PIK3CB: variants seen among roughly 807,000 people sequenced by gnomAD.
PIK3CB encodes the protein phosphatidylinositol-4,5-bisphosphate 3-kinase catalytic subunit beta.
In PIK3CB, 39 loss-of-function variants were observed where a neutral mutation model predicts 136.8. The ratio of observed to expected loss-of-function variants is 0.29; its 90% CI spans 0.22 to 0.37. PIK3CB has a LOEUF of 0.37. Among genes scored for constraint, PIK3CB ranks in the 10% least tolerant of loss-of-function variants. The pLI is 1.00. For missense variants in PIK3CB, 868 were observed against 1,275.4 expected (o/e 0.68, Z 4.87); for synonymous variants, 428 against 436.6 (o/e 0.98, Z 0.25).
At chr3:138,793,829 G>A (rs987738359) in intron 2 of PIK3CB, among the ~76,000 whole-genome samples, 3 of 152,134 alleles carry the variant, frequency 2.0e-5, no homozygotes, top group African/African-American at 7.2e-5. Flanking sequence ...AAAACAGCCT[G>A]AGCAACATAG....
chr3:138,730,977 T>C (rs1451646715), intron 8 of PIK3CB, among the ~76,000 whole-genome samples: 1 of 152,130 alleles, frequency 6.6e-6, no homozygotes. Flanking sequence ...CAAGGAAGTC[T>C]ACTATTTACT....
At chr3:138,826,011 A>G in intron 1 of PIK3CB, 1 of 1,456,166 alleles carries the variant, frequency 6.9e-7, no homozygotes, top group Non-Finnish European at 9.5e-7. Context: ...AGTGCTGGCT[A>G]TGCCACTGTA....
At chr3:138,737,072 A>G (rs974921966) in intron 6 of PIK3CB, among the ~76,000 whole-genome samples, 1 of 152,142 alleles carries the variant, frequency 6.6e-6, no homozygotes, top group African/African-American at 2.4e-5. Context: ...GACAATAATT[A>G]TAAGGCTAAC....
At chr3:138,759,675 ACAC>A (rs1303729981) in intron 2 of PIK3CB, among the ~76,000 whole-genome samples, 7 of 152,294 alleles carry the variant, frequency 4.6e-5, no homozygotes, top group East Asian at 1.9e-4. Context: ...ACACACACAC[ACAC>A]CACATTGATT....
chr3:138,697,496 C>T (rs996429875), intron 13 of PIK3CB, among the ~76,000 whole-genome samples: 2 of 152,064 alleles, frequency 1.3e-5, no homozygotes, highest in Non-Finnish European at 2.9e-5. Context: ...AATACAATGG[C>T]ACAATCTTGG....
At chr3:138,764,882 C>T (rs2045711091) in intron 2 of PIK3CB, among the ~76,000 whole-genome samples, 1 of 152,224 alleles carries the variant, frequency 6.6e-6, no homozygotes, top group Non-Finnish European at 1.5e-5. Flanking sequence ...CCTGTGACAA[C>T]ACTGGAGCAC....
chr3:138,788,681 G>T (rs1384412422), intron 2 of PIK3CB, among the ~76,000 whole-genome samples: 2 of 74,606 alleles, frequency 2.7e-5, no homozygotes, highest in Non-Finnish European at 5.3e-5. Context: ...AAAAAAAAAA[G>T]GCCAGGGGCG....
Position 138,679,748 on chromosome 3 carries a change from A to AATTATTATTATT in PIK3CB, c.2504+2207_2504+2218dup, listed in dbSNP as rs59677449. Among the ~76,000 whole-genome samples, 1,109 of 141,454 alleles carry AATTATTATTATT rather than the reference A, an allele frequency of 7.8e-3. 12 individuals carry two copies. The highest frequency in any genetic ancestry group is 0.014 in the Middle Eastern group (4 of 280). 92.8% of individuals were successfully genotyped at this position (141,454 alleles called of 152,430 possible). On this transcript the variant is annotated intron_variant, in intron 19 of 23. Coordinates refer to ENST00000674063, the MANE Select transcript of PIK3CB (RefSeq NM_006219.3). ...TAGGCACATGCCAACATGCCTGGCTAATTATTATTATTATTATTATTATTA... is the reference window on the plus strand; with the variant it reads ...TAGGCACATGCCAACATGCCTGGCTAATTATTATTATTATTATTATTATTATTATTATTATTA...
chr3:138,754,078 T>C (rs544030093), intron 4 of PIK3CB, among the ~76,000 whole-genome samples: 2 of 152,322 alleles, frequency 1.3e-5, no homozygotes, highest in South Asian at 4.1e-4. Context: ...TTTTTCTTTC[T>C]TTCTCCTCTT....
At chr3:138,671,565 A>T (rs932241121) in intron 19 of PIK3CB, among the ~76,000 whole-genome samples, 1 of 152,242 alleles carries the variant, frequency 6.6e-6, no homozygotes, top group African/African-American at 2.4e-5. Flanking sequence ...GTGGCTCAGG[A>T]AGTTAGACTT....
At chr3:138,768,932 G>A (rs2045767295) in intron 2 of PIK3CB, among the ~76,000 whole-genome samples, 1 of 152,220 alleles carries the variant, frequency 6.6e-6, no homozygotes, top group Admixed American at 6.5e-5. Context: ...GGGCCCCTAA[G>A]GAGTGTGGGG....
At chr3:138,701,972 C>T (rs1452737732) in intron 12 of PIK3CB, among the ~76,000 whole-genome samples, 10 of 150,310 alleles carry the variant, frequency 6.7e-5, no homozygotes, top group Non-Finnish European at 3.0e-5. Flanking sequence ...ATATAGATCT[C>T]ATTTATTTTA....
chr3:138,746,723 C>T lies in PIK3CB; in HGVS notation c.398-3942G>A, dbSNP rs959661454. Among the ~76,000 whole-genome samples, 30 of 151,382 alleles carry T rather than the reference C, an allele frequency of 2.0e-4. 1 individual carries two copies. Among genetic ancestry groups the T allele is most frequent in the Non-Finnish European group, 3.8e-4 (26 of 67,826 alleles). ...ATAAAAATAAAATTGTCAAACCATC[C>T]TTTGCTAGCATTAAAATTCTCCTGT... On this transcript the variant is annotated intron_variant, in intron 4 of 23. Transcript: ENST00000674063.
intron 2 of PIK3CB, among the ~76,000 whole-genome samples, chr3:138,762,873 T>C (rs7611866): frequency 0.032 from 4,839 of 151,834 alleles, 262 homozygotes; most frequent in African/African-American, 0.11. Flanking sequence ...GTCAGGAGAA[T>C]TGCTTGACCC....
intron 11 of PIK3CB, among the ~76,000 whole-genome samples, chr3:138,705,036 C>T (rs1003915597): frequency 6.6e-6 from 1 of 150,960 alleles, no homozygotes; most frequent in African/African-American, 2.4e-5. Context: ...ATTATCCCAC[C>T]TCAGCCTCAA....
chr3:138,700,708 T>TAGAC lies in PIK3CB; in HGVS notation c.1582-1614_1582-1613insGTCT, dbSNP rs200264972. 2.2e-3 allele frequency among the ~76,000 whole-genome samples: 306 copies of TAGAC among 141,592 alleles called. 2 individuals carry two copies. The highest frequency in any genetic ancestry group is 7.9e-3 in the African/African-American group (293 of 37,216). 92.9% of individuals were successfully genotyped at this position (141,592 alleles called of 152,430 possible). On this transcript the variant is annotated intron_variant, in intron 12 of 23. Transcript: ENST00000674063. ...GACTCTAAAAAGATAGATAGATAGA[T>TAGAC]AGATAGATAGATAGATAGATAGATA...
chr3:138,682,020 G>C lies in PIK3CB; in HGVS notation c.2451C>G (p.Leu817=), dbSNP rs377269256. ...GDDLRQDMLT[L]QMLRLMDLLW... ...GTAAATCCATCAAGCGCAACATTTG[G>C]AGTGTCAACATATCCTGTCGTAAAT... Residue 817 remains leucine, a synonymous_variant, in exon 19 of 24, where the codon CTC becomes CTG. Coordinates refer to ENST00000674063, the MANE Select transcript of PIK3CB (RefSeq NM_006219.3). 13 of 1,611,488 alleles carry C rather than the reference G, an allele frequency of 8.1e-6. No homozygotes were observed. The highest frequency in any genetic ancestry group is 6.6e-5 in the South Asian group (6 of 90,540).
At chr3:138,709,236 A>G (rs891862306) in intron 10 of PIK3CB, among the ~76,000 whole-genome samples, 31 of 152,298 alleles carry the variant, frequency 2.0e-4, no homozygotes, top group African/African-American at 7.5e-4. Flanking sequence ...TACACTGTAC[A>G]TAAGCATGGT....
intron 11 of PIK3CB, among the ~76,000 whole-genome samples, chr3:138,705,174 C>CAA (rs1159172292): frequency 1.2e-4 from 7 of 57,062 alleles, no homozygotes; most frequent in East Asian, 1.2e-3. Context: ...AAAAAAAAAA[C>CAA]AAAAAACAAA....
Sources: allele counts gnomAD v4.1 joint callset (sites outside exome capture counted in the v4.1 genomes callset), GRCh38; gene constraint gnomAD v4.1.1; transcripts MANE v1.5; gene names NCBI Gene and HGNC (gene_info 2026-07-23, HGNC 2026-07-21).